The following ESRP1 variants were observed in gnomAD, a reference collection of about 807,000 sequenced individuals.
ESRP1 encodes epithelial splicing regulatory protein 1, also known as RNA-binding motif protein 35A.
A neutral mutation model predicts 81.7 loss-of-function variants in ESRP1; 33 were observed. The observed-to-expected ratio is 0.40, with a 90% CI of 0.31 to 0.54. ESRP1 has a LOEUF of 0.54. Ranked by LOEUF, ESRP1 falls within the 20% of genes least tolerant of loss-of-function variation. ESRP1 has a pLI of 0.41. For synonymous variants in ESRP1, 320 were observed against 303.3 expected, an observed-to-expected ratio of 1.06 and a Z score of -0.57; for missense variants, 672 against 833.1, an observed-to-expected ratio of 0.81 and a Z score of 2.38.
chr8:94,683,271 A>G (rs1283613656), intron 13 of ESRP1, among the ~76,000 whole-genome samples: 2 of 152,216 alleles, frequency 1.3e-5, no homozygotes, highest in African/African-American at 2.4e-5. Context: ...AGTAATATGT[A>G]TGTGTTACTA....
rs564264860 is a variant in ESRP1, at chr8:94,670,548, A to G, written c.1234-905A>G. ...ATTGATTCTTCTATATTGTCAATTT[A>G]TGGGATGTTAAAGGCTAGAGTGATT... On this transcript the variant is annotated intron_variant, in intron 10 of 15. Transcript: ENST00000433389. Among the ~76,000 whole-genome samples, 9 of 152,304 alleles carry G rather than the reference A, an allele frequency of 5.9e-5. No individual in the cohort carries two copies. In the South Asian group the frequency reaches 1.9e-3, roughly 32 times the overall value.
Position 94,706,378 on chromosome 8 carries a change from C to G in ESRP1, c.*489C>G, listed in dbSNP as rs938748339. ...ATGCCTTCTTGCTAAGTAATTCAAG[C>G]ATAAGATCTTGGAATAATAAAATCA... On this transcript the variant is annotated 3_prime_UTR_variant, in exon 16 of 16. Transcript: ENST00000433389. 3 of 155,764 alleles carry G rather than the reference C, an allele frequency of 1.9e-5. No individual in the cohort carries two copies. The highest frequency in any genetic ancestry group is 7.2e-5 in the African/African-American group (3 of 41,524). 9.6% of individuals were successfully genotyped at this position (155,764 alleles called of 1,614,324 possible). A position where few individuals can be genotyped will look rare whatever the true frequency, so the allele number is the denominator to read the frequency against.
intron 2 of ESRP1, 110 bp downstream of exon 2, chr8:94,642,194 C>T: frequency 7.3e-7 from 1 of 1,375,312 alleles, no homozygotes. Flanking sequence ...GGCGAGACGC[C>T]TGCCCGGCCG....
intron 13 of ESRP1, among the ~76,000 whole-genome samples, chr8:94,690,733 T>C (rs375797627): frequency 2.0e-5 from 3 of 152,176 alleles, no homozygotes; most frequent in East Asian, 1.9e-4. Context: ...AGAAGATCTT[T>C]AGGCAAGTGG....
At chr8:94,686,001 G>A (rs12548165) in intron 13 of ESRP1, among the ~76,000 whole-genome samples, 1 of 152,066 alleles carries the variant, frequency 6.6e-6, no homozygotes, top group Non-Finnish European at 1.5e-5. Flanking sequence ...AGGCTGGAGT[G>A]CAGTGGTGCA....
intron 15 of ESRP1, among the ~76,000 whole-genome samples, chr8:94,702,668 A>G (rs747479328): frequency 9.2e-5 from 14 of 152,308 alleles, no homozygotes; most frequent in Admixed American, 2.6e-4. Flanking sequence ...TATTTTTAGT[A>G]GAGATGGGGT....
At chr8:94,703,543 C>G (rs906844738) in intron 15 of ESRP1, among the ~76,000 whole-genome samples, 1 of 152,150 alleles carries the variant, frequency 6.6e-6, no homozygotes, top group South Asian at 2.1e-4. Context: ...GGCATTTCCA[C>G]ATTTTATCAG....
intron 12 of ESRP1, among the ~76,000 whole-genome samples, chr8:94,675,254 A>G (rs1819533076): frequency 6.6e-6 from 1 of 152,210 alleles, no homozygotes; most frequent in African/African-American, 2.4e-5. Context: ...TTTCCTTTAA[A>G]TAAGATGTAC....
rs201767398 is a variant in ESRP1 at position 94,703,108 on chromosome 8, G to GTTTTTTTT, written c.*36-2808_*36-2801dup. Among the ~76,000 whole-genome samples the GTTTTTTTT allele has an allele frequency of 4.7e-5, 6 of 128,500 alleles. 1 individual carries two copies. Among genetic ancestry groups the GTTTTTTTT allele is most frequent in the African/African-American group, 1.4e-4 (5 of 34,652 alleles). The allele number at this position is 128,500 out of a possible 152,430, so 84.3% of individuals were successfully genotyped here. A position where few individuals can be genotyped will look rare whatever the true frequency, so the allele number is the denominator to read the frequency against. On this transcript the variant is annotated intron_variant, in intron 15 of 15. Transcript: ENST00000433389. ...ACATTATCTCCTTCTGAGATTGATT[G>GTTTTTTTT]TTTTTTTTTTTTTTTTGCTAGCAGT...
At chr8:94,669,163 T>C (rs1235779531) in intron 10 of ESRP1, among the ~76,000 whole-genome samples, 1 of 152,166 alleles carries the variant, frequency 6.6e-6, no homozygotes, top group Non-Finnish European at 1.5e-5. Context: ...AAACCATTTA[T>C]AGAATCTCAA....
rs188021284 is a variant in ESRP1, at chr8:94,662,262, A to C, written c.491-10A>C. Reference sequence around the variant, plus strand: ...CCTTTCCAAAGTGTTTCCTTAATTTAATCTCACAGATTTAAATTTTGAGAA... The same window carrying C: ...CCTTTCCAAAGTGTTTCCTTAATTTCATCTCACAGATTTAAATTTTGAGAA... On this transcript the variant is annotated splice_polypyrimidine_tract_variant and intron_variant, in intron 4 of 15. Coordinates refer to ENST00000433389, the MANE Select transcript of ESRP1 (RefSeq NM_017697.4). 2.2e-5 allele frequency: 34 copies of C among 1,521,652 alleles called. No individual in the cohort carries two copies. The highest frequency in any genetic ancestry group is 2.9e-5 in the Non-Finnish European group (33 of 1,119,690). The allele number at this position is 1,521,652 out of a possible 1,614,324, so 94.3% of individuals were successfully genotyped here. A position where few individuals can be genotyped will look rare whatever the true frequency, so the allele number is the denominator to read the frequency against.
At chr8:94,657,472 CGT>C (rs9297944) in intron 4 of ESRP1, among the ~76,000 whole-genome samples, 5,195 of 146,238 alleles carry the variant, frequency 0.036, 112 homozygotes, top group African/African-American at 0.065. Flanking sequence ...AGGCTGTGTG[CGT>C]GTGTGTGTGT....
chr8:94,650,463 G>A (rs948519470), intron 4 of ESRP1, among the ~76,000 whole-genome samples: 2 of 152,136 alleles, frequency 1.3e-5, no homozygotes, highest in African/African-American at 4.8e-5. Context: ...TTTTCAGATT[G>A]TCTTTTTAGC....
chr8:94,641,290 C>T lies in ESRP1; in HGVS notation c.-29C>T, dbSNP rs139236619. 166 of 1,578,248 alleles carry T rather than the reference C, an allele frequency of 1.1e-4. No individual in the cohort carries two copies. The East Asian group carries it at 3.1e-3, about 30-fold the overall frequency. ...CCACACCACCTTACCGCCTCCCGACCCCCCCTCTCCCCCTCCCCACCTATC... is the reference window on the plus strand; with the variant it reads ...CCACACCACCTTACCGCCTCCCGACTCCCCCTCTCCCCCTCCCCACCTATC... On this transcript the variant is annotated 5_prime_UTR_variant, in exon 1 of 16. Coordinates refer to ENST00000433389, the MANE Select transcript of ESRP1 (RefSeq NM_017697.4).
chr8:94,687,309 C>T (rs1203853109), intron 13 of ESRP1, among the ~76,000 whole-genome samples: 1 of 152,070 alleles, frequency 6.6e-6, no homozygotes, highest in African/African-American at 2.4e-5. Flanking sequence ...AGAGCCATAC[C>T]ACATTTGGTT....
chr8:94,655,493 T>C (rs1314822957), intron 4 of ESRP1, among the ~76,000 whole-genome samples: 3 of 152,122 alleles, frequency 2.0e-5, no homozygotes, highest in African/African-American at 7.2e-5. Context: ...TTAAATAGTT[T>C]TGGTTGTCTT....
intron 13 of ESRP1, chr8:94,688,601 A>G: frequency 4.7e-6 from 1 of 212,928 alleles, no homozygotes; most frequent in South Asian, 7.3e-5. Flanking sequence ...AAACCCTGGG[A>G]TTCATGTTCT....
chr8:94,641,700 T>C lies in ESRP1; in HGVS notation c.132+250T>C, dbSNP rs554566843. On this transcript the variant is annotated intron_variant, in intron 1 of 15. Coordinates refer to ENST00000433389, the MANE Select transcript of ESRP1 (RefSeq NM_017697.4). ...GCTACCGAGCCGGGTTCTTTGCCCG[T>C]CGGGGGACGCTCCGCCGAGACGAGG... 75 of 651,682 alleles carry C rather than the reference T, an allele frequency of 1.2e-4. No homozygotes were observed. The Middle Eastern group carries it at 4.4e-3, about 38-fold the overall frequency. The allele number at this position is 651,682 out of a possible 1,614,324, so 40.4% of individuals were successfully genotyped here.
At chr8:94,661,187 T>G (rs1818726356) in intron 4 of ESRP1, among the ~76,000 whole-genome samples, 1 of 152,066 alleles carries the variant, frequency 6.6e-6, no homozygotes, top group African/African-American at 2.4e-5. Flanking sequence ...ATTACAGGCA[T>G]GCACCACCAC....
Sources: gnomAD v4.1 joint callset for allele counts (sites outside exome capture counted in the v4.1 genomes callset) on GRCh38, gnomAD v4.1.1 for gene constraint, MANE v1.5 for transcripts, NCBI Gene and HGNC (gene_info 2026-07-23, HGNC 2026-07-21) for gene names.